Variants in UTP18 observed in about 807,000 individuals in gnomAD.
UTP18 encodes the protein UTP18 small subunit processome component, also known as U3 small nucleolar RNA-associated protein 18 homolog.
A neutral mutation model predicts 61.1 loss-of-function variants in UTP18; 36 were observed. The ratio of observed to expected loss-of-function variants is 0.59; its 90% CI spans 0.45 to 0.78. The LOEUF (loss-of-function observed/expected upper bound fraction) is 0.78. Among genes scored for constraint, UTP18 ranks in the 30% least tolerant of loss-of-function variants. The pLI is 0.00. For missense variants in UTP18, 753 were observed against 693.9 expected (o/e 1.09, Z -0.96); for synonymous variants, 282 against 251.1 (o/e 1.12, Z -1.16).
At chr17:51,274,730 C>T (rs1257231494) in intron 5 of UTP18, among the ~76,000 whole-genome samples, 1 of 151,716 alleles carries the variant, frequency 6.6e-6, no homozygotes, top group Non-Finnish European at 1.5e-5. Context: ...GGATTACAGG[C>T]GTGAGCCACC....
At chr17:51,263,009 T>G (rs2055522955) in intron 1 of UTP18, among the ~76,000 whole-genome samples, 1 of 152,260 alleles carries the variant, frequency 6.6e-6, no homozygotes, top group Non-Finnish European at 1.5e-5. Flanking sequence ...CTTGTCTTAC[T>G]TGGTGTTTTC....
At chr17:51,270,305 T>C (rs1377606730) in intron 4 of UTP18, among the ~76,000 whole-genome samples, 1 of 152,234 alleles carries the variant, frequency 6.6e-6, no homozygotes, top group Non-Finnish European at 1.5e-5. Context: ...TTTCCATGTT[T>C]GTTTTTTAAT....
intron 11 of UTP18, chr17:51,288,625 G>T: frequency 2.2e-6 from 1 of 456,208 alleles, no homozygotes; most frequent in South Asian, 1.5e-5. Flanking sequence ...TTGTATAAAA[G>T]TATTGTAATT....
At chr17:51,291,093 G>A (rs1292352499) in intron 11 of UTP18, among the ~76,000 whole-genome samples, 1 of 152,196 alleles carries the variant, frequency 6.6e-6, no homozygotes, top group Non-Finnish European at 1.5e-5. Flanking sequence ...TAACTGTCGT[G>A]ATAGAAATGG....
At chr17:51,281,023 C>G (rs1257690861) in intron 9 of UTP18, among the ~76,000 whole-genome samples, 1 of 151,048 alleles carries the variant, frequency 6.6e-6, no homozygotes, top group Non-Finnish European at 1.5e-5. Context: ...GCTAAAAATA[C>G]AAAAATTAGC....
chr17:51,284,773 T>C (rs1905050242), intron 9 of UTP18, among the ~76,000 whole-genome samples: 1 of 152,128 alleles, frequency 6.6e-6, no homozygotes, highest in Admixed American at 6.5e-5. Flanking sequence ...ACAAGAAATA[T>C]TCTTAGGCCG....
At chr17:51,263,062 C>T (rs940704057) in intron 1 of UTP18, among the ~76,000 whole-genome samples, 4 of 152,188 alleles carry the variant, frequency 2.6e-5, no homozygotes, top group Non-Finnish European at 5.9e-5. Flanking sequence ...TTGACTGTTC[C>T]ATCTTGCCTC....
At chr17:51,269,311 A>AAC in intron 4 of UTP18, among the ~76,000 whole-genome samples, 1 of 150,568 alleles carries the variant, frequency 6.6e-6, no homozygotes, top group East Asian at 1.9e-4. Context: ...AAAAAAAAAA[A>AAC]AAAAAAAAAA....
intron 7 of UTP18, among the ~76,000 whole-genome samples, chr17:51,278,179 C>T (rs908550345): frequency 1.3e-5 from 2 of 152,026 alleles, no homozygotes; most frequent in Non-Finnish European, 2.9e-5. Context: ...CTTGGTTTAC[C>T]CTAAGGCAGA....
At position 51,277,842 on chromosome 17, in the gene UTP18, T is replaced by G. The variant is rs187608185; in HGVS notation, c.1012+538T>G. Among the ~76,000 whole-genome samples, 7 of 152,324 alleles carry G rather than the reference T, an allele frequency of 4.6e-5. 1 individual carries two copies. Among genetic ancestry groups the G allele is most frequent in the Admixed American group, 3.9e-4 (6 of 15,300 alleles). ...TTTATCTGCCCTCTACCATACCCAT[T>G]CTTTTCCTATATTTCCCTGCTCCTT... is the stretch of plus-strand genomic sequence containing the variant. On this transcript the variant is annotated intron_variant, in intron 7 of 13. Transcript: ENST00000225298.
At chr17:51,278,094 T>G (rs966721435) in intron 7 of UTP18, among the ~76,000 whole-genome samples, 1 of 152,218 alleles carries the variant, frequency 6.6e-6, no homozygotes, top group African/African-American at 2.4e-5. Context: ...TAGAAACATT[T>G]ATGATGTTTA....
intron 11 of UTP18, among the ~76,000 whole-genome samples, chr17:51,291,489 C>G (rs1905237447): frequency 6.6e-6 from 1 of 152,120 alleles, no homozygotes; most frequent in Non-Finnish European, 1.5e-5. Context: ...AATCCCAGCA[C>G]TTTGAGAGGT....
At chr17:51,288,371 C>G (rs748227261) in intron 11 of UTP18, among the ~76,000 whole-genome samples, 168 bp downstream of exon 11, 1 of 152,228 alleles carries the variant, frequency 6.6e-6, no homozygotes, top group Non-Finnish European at 1.5e-5. Flanking sequence ...GAAGGATGCA[C>G]AGTAGCCACC....
At chr17:51,286,933 C>T (rs987775191) in intron 10 of UTP18, among the ~76,000 whole-genome samples, 1 of 151,758 alleles carries the variant, frequency 6.6e-6, no homozygotes, top group Non-Finnish European at 1.5e-5. Context: ...CCCATTAACT[C>T]ATCATTTAGC....
intron 7 of UTP18, among the ~76,000 whole-genome samples, chr17:51,278,543 T>A (rs1366069706): frequency 1.3e-5 from 2 of 152,194 alleles, no homozygotes; most frequent in African/African-American, 4.8e-5. Context: ...GGAGTGTGTG[T>A]CCAGTCACCA....
rs766145018 is a variant in UTP18 at position 51,260,569 on chromosome 17, C to T, written c.-16C>T. 6.2e-7 allele frequency: 1 copy of T among 1,604,362 alleles called. No individual in the cohort carries two copies. The highest frequency in any genetic ancestry group is 1.1e-5 in the South Asian group (1 of 90,206). Reference sequence around the variant, plus strand: ...AGGTTCCACGTGAGCGCCTGCGTTTCTCCTCAAACCTAACGATGCCGCCGG... The same window carrying T: ...AGGTTCCACGTGAGCGCCTGCGTTTTTCCTCAAACCTAACGATGCCGCCGG... On this transcript the variant is annotated 5_prime_UTR_variant, in exon 1 of 14. Coordinates refer to ENST00000225298, the MANE Select transcript of UTP18 (RefSeq NM_016001.3).
At chr17:51,285,584 T>C (rs1451799141) in intron 10 of UTP18, among the ~76,000 whole-genome samples, 1 of 152,248 alleles carries the variant, frequency 6.6e-6, no homozygotes, top group African/African-American at 2.4e-5. Flanking sequence ...GCAGTTTCAC[T>C]GTTTGTGGTT....
rs111668290 is a variant in UTP18, at chr17:51,271,016, C to T, written c.622+2112C>T. Among the ~76,000 whole-genome samples the T allele has an allele frequency of 1.2e-4, 18 of 152,268 alleles. 2 individuals are homozygous for T. The highest frequency in any genetic ancestry group is 4.3e-4 in the African/African-American group (18 of 41,550). Reference sequence around the variant, plus strand: ...TGTTATTTTTATCTGTAAATATTTACTGAGTTTCGTTATAAGAAAATTCTC... The same window carrying T: ...TGTTATTTTTATCTGTAAATATTTATTGAGTTTCGTTATAAGAAAATTCTC... On this transcript the variant is annotated intron_variant, in intron 4 of 13. Transcript: ENST00000225298.
chr17:51,260,990 C>T, intron 1 of UTP18, 64 bp downstream of exon 1: 1 of 1,345,374 alleles, frequency 7.4e-7, no homozygotes, highest in Non-Finnish European at 9.6e-7. Context: ...GGCGGTGAAG[C>T]TCCGGGGGGC....
Sources: gnomAD v4.1 joint callset for allele counts (sites outside exome capture counted in the v4.1 genomes callset) on GRCh38, gnomAD v4.1.1 for gene constraint, MANE v1.5 for transcripts, NCBI Gene and HGNC (gene_info 2026-07-23, HGNC 2026-07-21) for gene names.